The following SH3GL2 variants were observed in gnomAD, a reference collection of about 807,000 sequenced individuals.
The protein encoded by SH3GL2 is SH3 domain containing GRB2 like 2, endophilin A1, also known as endophilin-A1.
A neutral mutation model predicts 46.0 loss-of-function variants in SH3GL2; 24 were observed. That is an observed-to-expected ratio of 0.52 (90% CI 0.38 to 0.73). The LOEUF (loss-of-function observed/expected upper bound fraction) is 0.73. Among genes scored for constraint, SH3GL2 ranks in the 30% least tolerant of loss-of-function variants. The pLI, the probability that SH3GL2 is intolerant of heterozygous loss-of-function variation, is 0.00. For synonymous variants in SH3GL2, 196 were observed against 147.1 expected, an observed-to-expected ratio of 1.33 and a Z score of -2.40; for missense variants, 413 against 424.2, an observed-to-expected ratio of 0.97 and a Z score of 0.23.
chr9:17,584,064 C>G lies in SH3GL2; in HGVS notation c.45+4777C>G, dbSNP rs984548047. On this transcript the variant is annotated intron_variant, in intron 1 of 8. Transcript: ENST00000380607. ...CCCTTTCACATTCTTAGCCAGTAGT[C>G]TCTAATAGGCTGCAAGGGGCCTATA... 6.6e-5 allele frequency among the ~76,000 whole-genome samples: 10 copies of G among 152,108 alleles called. 1 individual carries two copies. The highest frequency in any genetic ancestry group is 5.9e-5 in the Non-Finnish European group (4 of 68,036).
chr9:17,607,962 T>C (rs543042866), intron 1 of SH3GL2, among the ~76,000 whole-genome samples: 1 of 152,132 alleles, frequency 6.6e-6, no homozygotes, highest in Non-Finnish European at 1.5e-5. Context: ...AGGCATACAA[T>C]TATATGAAAT....
At chr9:17,782,971 G>T (rs552590993) in intron 3 of SH3GL2, among the ~76,000 whole-genome samples, 98 of 152,102 alleles carry the variant, frequency 6.4e-4, no homozygotes, top group Admixed American at 3.1e-3. Flanking sequence ...ATGGAAACAC[G>T]CAAGGAAGGG....
intron 1 of SH3GL2, among the ~76,000 whole-genome samples, chr9:17,651,447 G>A (rs539781480): frequency 3.9e-4 from 59 of 152,140 alleles, no homozygotes; most frequent in Non-Finnish European, 7.8e-4. Context: ...ATTCCAAGAT[G>A]TATTGTTTTT....
intron 1 of SH3GL2, among the ~76,000 whole-genome samples, chr9:17,690,389 G>A (rs3780231): frequency 0.015 from 2,214 of 152,148 alleles, 70 homozygotes; most frequent in East Asian, 0.11. Flanking sequence ...TCTGAACTTC[G>A]TGCTGCAGCT....
chr9:17,677,650 T>C (rs1225070107), intron 1 of SH3GL2, among the ~76,000 whole-genome samples: 2 of 150,990 alleles, frequency 1.3e-5, no homozygotes, highest in African/African-American at 2.5e-5. Context: ...ATATTTATAC[T>C]TTAAGTTTTA....
At chr9:17,684,181 C>T (rs989612325) in intron 1 of SH3GL2, among the ~76,000 whole-genome samples, 14 of 151,924 alleles carry the variant, frequency 9.2e-5, no homozygotes, top group African/African-American at 3.4e-4. Context: ...GTTAAAGGTT[C>T]TAAGTGGGAA....
At chr9:17,590,365 T>A (rs1818457796) in intron 1 of SH3GL2, 1 of 152,192 alleles carries the variant, frequency 6.6e-6, no homozygotes, top group African/African-American at 2.4e-5. Flanking sequence ...GTTAAGAGTT[T>A]ACTGATTAAT....
intron 1 of SH3GL2, among the ~76,000 whole-genome samples, chr9:17,660,609 C>T (rs1820190628): frequency 6.6e-6 from 1 of 152,120 alleles, no homozygotes; most frequent in African/African-American, 2.4e-5. Context: ...CAGCCCTGAA[C>T]TAGAAAGTTC....
chr9:17,583,650 G>T (rs528996795), intron 1 of SH3GL2, among the ~76,000 whole-genome samples: 1 of 152,104 alleles, frequency 6.6e-6, no homozygotes, highest in Non-Finnish European at 1.5e-5. Context: ...TGTGTTTTCT[G>T]ATTTTTTTAA....
At chr9:17,702,936 A>C (rs1010165309) in intron 1 of SH3GL2, among the ~76,000 whole-genome samples, 9 of 151,992 alleles carry the variant, frequency 5.9e-5, no homozygotes, top group African/African-American at 2.2e-4. Context: ...ATGCCACTTG[A>C]TTATGCTTTT....
intron 1 of SH3GL2, among the ~76,000 whole-genome samples, chr9:17,610,706 A>G (rs1334372887): frequency 6.7e-6 from 1 of 149,780 alleles, no homozygotes; most frequent in Non-Finnish European, 1.5e-5. Context: ...AAGCCATTCA[A>G]GAAGTACAGC....
intron 2 of SH3GL2, 106 bp from the exon 3 acceptor site, chr9:17,761,331 C>T: frequency 1.4e-6 from 1 of 739,386 alleles, no homozygotes; most frequent in Non-Finnish European, 2.5e-6. Flanking sequence ...CGGGACTTGT[C>T]CGGGGCTCTG....
chr9:17,637,962 C>T (rs941260073), intron 1 of SH3GL2, among the ~76,000 whole-genome samples: 2 of 152,204 alleles, frequency 1.3e-5, no homozygotes, highest in South Asian at 2.1e-4. Context: ...CGAGACCATC[C>T]TGGCTAACAC....
At chr9:17,689,842 T>C (rs1821026546) in intron 1 of SH3GL2, among the ~76,000 whole-genome samples, 1 of 152,084 alleles carries the variant, frequency 6.6e-6, no homozygotes, top group South Asian at 2.1e-4. Flanking sequence ...TAATACTCAG[T>C]TACTGAAATT....
intron 1 of SH3GL2, among the ~76,000 whole-genome samples, chr9:17,723,370 G>A (rs530170682): frequency 6.6e-6 from 1 of 152,184 alleles, no homozygotes; most frequent in East Asian, 1.9e-4. Flanking sequence ...TTTGCCTTCA[G>A]TATCATGTAC....
Position 17,629,031 on chromosome 9 carries a change from A to C in SH3GL2, c.45+49744A>C, listed in dbSNP as rs570984961. ...TGTCTGTCAAACAGAAGGAAATTGC[A>C]TTAGAGTTCAAGATGTGGCCTTTGA... is the stretch of plus-strand genomic sequence containing the variant. On this transcript the variant is annotated intron_variant, in intron 1 of 8. Transcript: ENST00000380607. Among the ~76,000 whole-genome samples, 4 of 151,352 alleles carry C rather than the reference A, an allele frequency of 2.6e-5. No individual in the cohort carries two copies. The South Asian group carries it at 8.4e-4, about 32-fold the overall frequency.
chr9:17,610,425 A>C (rs1184589472), intron 1 of SH3GL2, among the ~76,000 whole-genome samples: 1 of 152,190 alleles, frequency 6.6e-6, no homozygotes, highest in Non-Finnish European at 1.5e-5. Flanking sequence ...ATATTCTCAA[A>C]GAGTATACAA....
chr9:17,699,638 A>G (rs1047793749), intron 1 of SH3GL2, among the ~76,000 whole-genome samples: 2 of 152,224 alleles, frequency 1.3e-5, no homozygotes, highest in African/African-American at 4.8e-5. Context: ...TTGGCTGTCC[A>G]GTAGTGCTTG....
intron 1 of SH3GL2, among the ~76,000 whole-genome samples, chr9:17,654,667 A>G (rs920467829): frequency 7.2e-5 from 11 of 152,220 alleles, no homozygotes; most frequent in Non-Finnish European, 1.6e-4. Context: ...ATGAAAATAA[A>G]TTTGTAGATA....
Sources: gnomAD v4.1 joint callset for allele counts (sites outside exome capture counted in the v4.1 genomes callset) on GRCh38, gnomAD v4.1.1 for gene constraint, MANE v1.5 for transcripts, NCBI Gene and HGNC (gene_info 2026-07-23, HGNC 2026-07-21) for gene names.